Variants in TEX29 observed in about 807,000 individuals in gnomAD.
TEX29 encodes testis-expressed protein 29.
Under a neutral mutation model 18.2 loss-of-function variants are expected in TEX29, and 26 were observed. The ratio of observed to expected loss-of-function variants is 1.43; its 90% CI spans 1.04 to 1.98. The LOEUF (loss-of-function observed/expected upper bound fraction) is 1.98. Ranked by LOEUF, TEX29 falls within the 30% of genes most tolerant of loss-of-function variation. The pLI, the probability that TEX29 is intolerant of heterozygous loss-of-function variation, is 0.00. For synonymous variants in TEX29, 83 were observed against 78.5 expected (o/e 1.06, Z -0.31); for missense variants, 177 against 194.2 (o/e 0.91, Z 0.53).
At chr13:111,329,798 A>G (rs965858042) in intron 3 of TEX29, among the ~76,000 whole-genome samples, 15 of 152,142 alleles carry the variant, frequency 9.9e-5, no homozygotes, top group Non-Finnish European at 7.4e-5. Context: ...TGGCTGTCGC[A>G]AGCCACAGCC....
chr13:111,344,222 A>G lies in TEX29; in HGVS notation c.*99A>G, dbSNP rs963472338. 1.4e-5 allele frequency: 14 copies of G among 993,520 alleles called. No homozygotes were observed. Among genetic ancestry groups the G allele is most frequent in the African/African-American group, 3.3e-5 (2 of 60,494 alleles). The allele number at this position is 993,520 out of a possible 1,614,324, so 61.5% of individuals were successfully genotyped here. On this transcript the variant is annotated 3_prime_UTR_variant, in exon 6 of 6. Coordinates refer to ENST00000283547, the MANE Select transcript of TEX29 (RefSeq NM_152324.3). ...TGTGATGGAATGACCACCCAAAGAGAAAAAAATAAAGGTATTTTGAAAATT... is the reference window on the plus strand; with the variant it reads ...TGTGATGGAATGACCACCCAAAGAGGAAAAAATAAAGGTATTTTGAAAATT...
At chr13:111,328,363 G>T in intron 3 of TEX29, 70 bp downstream of exon 3, 1 of 1,041,904 alleles carries the variant, frequency 9.6e-7, no homozygotes, top group South Asian at 1.3e-5. Flanking sequence ...CCACTGCCCT[G>T]CCTGTCTCCC....
At position 111,320,740 on chromosome 13, in the gene TEX29, C is replaced by T; in HGVS notation, c.-57C>T. The T allele has an allele frequency of 1.1e-6, 1 of 887,300 alleles. No homozygotes were observed. The highest frequency in any genetic ancestry group is 1.9e-6 in the Non-Finnish European group (1 of 536,526). The allele number at this position is 887,300 out of a possible 1,614,324, so 55.0% of individuals were successfully genotyped here. A position where few individuals can be genotyped will look rare whatever the true frequency, so the allele number is the denominator to read the frequency against. On this transcript the variant is annotated 5_prime_UTR_variant, in exon 1 of 6. Coordinates refer to ENST00000283547, the MANE Select transcript of TEX29 (RefSeq NM_152324.3). ...TGAGAGGCACAGGTGGCTGAGGGGACCCGCCTGGGATGTGAGGCGCAGGTG... is the reference window on the plus strand; with the variant it reads ...TGAGAGGCACAGGTGGCTGAGGGGATCCGCCTGGGATGTGAGGCGCAGGTG...
intron 3 of TEX29, among the ~76,000 whole-genome samples, chr13:111,338,022 C>T (rs9522186): frequency 0.3 from 46,081 of 152,048 alleles, 8,068 homozygotes; most frequent in East Asian, 0.77. Flanking sequence ...ATCCTGGGCA[C>T]CTCATCCATT....
chr13:111,336,351 C>T (rs1402451317), intron 3 of TEX29, among the ~76,000 whole-genome samples: 1 of 152,250 alleles, frequency 6.6e-6, no homozygotes, highest in Non-Finnish European at 1.5e-5. Context: ...AACCTTTGTG[C>T]TGTGCAAGTT....
At position 111,342,792 on chromosome 13, in the gene TEX29, T is replaced by C. The variant is rs1326039624; in HGVS notation, c.276T>C (p.Pro92=). 3.7e-6 allele frequency: 6 copies of C among 1,614,088 alleles called. No homozygotes were observed. The highest frequency in any genetic ancestry group is 5.1e-6 in the Non-Finnish European group (6 of 1,180,022). The change falls in exon 5 of 6, where the codon CCT becomes CCC. Residue 92 remains proline (P), a synonymous_variant. Coordinates refer to ENST00000283547, the MANE Select transcript of TEX29 (RefSeq NM_152324.3). ...IQESRKEKAI[P]VDVALPQKSS... ...AGAGCAGGAAAGAAAAGGCCATCCCTGTGGATGTCGCGCTGCCACAGAAGT... is the reference window on the plus strand; with the variant it reads ...AGAGCAGGAAAGAAAAGGCCATCCCCGTGGATGTCGCGCTGCCACAGAAGT...
chr13:111,333,809 A>G (rs4771744), intron 3 of TEX29, among the ~76,000 whole-genome samples: 53,966 of 152,026 alleles, frequency 0.35, 10,679 homozygotes, highest in East Asian at 0.87. Flanking sequence ...CTTTTAAACC[A>G]TCGGATCTTG....
At chr13:111,342,576 A>AAAAAG (rs1555412713) in intron 4 of TEX29, among the ~76,000 whole-genome samples, 180 bp from the exon 5 acceptor site, 17 of 149,896 alleles carry the variant, frequency 1.1e-4, no homozygotes, top group African/African-American at 4.2e-4. Flanking sequence ...AAAAAAAAAA[A>AAAAAG]AGAGAGAGAG....
rs868127439 is a variant in TEX29, at chr13:111,328,669, C to T, written c.169+376C>T. 5.3e-5 allele frequency among the ~76,000 whole-genome samples: 8 copies of T among 152,268 alleles called. 1 individual carries two copies. The Middle Eastern group carries it at 0.01, about 194-fold the overall frequency. ...CGCCGGCAGGGCCCGGGCCAGTGGC[C>T]GGGTGTGGGGTGAGCCCATCAGGGT... On this transcript the variant is annotated intron_variant, in intron 3 of 5. Coordinates refer to ENST00000283547, the MANE Select transcript of TEX29 (RefSeq NM_152324.3).
intron 3 of TEX29, among the ~76,000 whole-genome samples, chr13:111,330,456 G>A (rs565060715): frequency 1.3e-5 from 2 of 152,350 alleles, no homozygotes; most frequent in East Asian, 3.9e-4. Context: ...TGGCTTTAGA[G>A]ACTCGGGACC....
upstream of TEX29, among the ~76,000 whole-genome samples, chr13:111,317,563 C>T (rs1029473280): frequency 1.3e-5 from 2 of 152,206 alleles, no homozygotes; most frequent in Admixed American, 1.3e-4. Context: ...AATGGGAATA[C>T]TGGACAGGTG....
At position 111,344,195 on chromosome 13, in the gene TEX29, AGT is replaced by A. The variant is rs1555298236; in HGVS notation, c.*76_*77del. 26 of 1,303,892 alleles carry A rather than the reference AGT, an allele frequency of 2.0e-5. No individual in the cohort carries two copies. Among genetic ancestry groups the A allele is most frequent in the Non-Finnish European group, 2.7e-5 (25 of 915,034 alleles). The allele number at this position is 1,303,892 out of a possible 1,614,324, so 80.8% of individuals were successfully genotyped here. ...ATGGTACAGCAGGTGCACTGTTAAC[AGT>A]GTGATGGAATGACCACCCAAAGAGA... On this transcript the variant is annotated 3_prime_UTR_variant, in exon 6 of 6. Coordinates refer to ENST00000283547, the MANE Select transcript of TEX29 (RefSeq NM_152324.3).
At chr13:111,331,177 G>A (rs571204095) in intron 3 of TEX29, among the ~76,000 whole-genome samples, 13 of 152,264 alleles carry the variant, frequency 8.5e-5, no homozygotes, top group African/African-American at 2.2e-4. Flanking sequence ...CAGCGTATGC[G>A]AGTTCCAATT....
Position 111,344,162 on chromosome 13 carries a change from C to T in TEX29, c.*39C>T. The stretch of plus-strand genomic sequence containing the variant: ...AGAAGTGGAGATTGTCAGAATTATC[C>T]AAATGAAATGGTACAGCAGGTGCAC... On this transcript the variant is annotated 3_prime_UTR_variant, in exon 6 of 6. Coordinates refer to ENST00000283547, the MANE Select transcript of TEX29 (RefSeq NM_152324.3). The T allele has an allele frequency of 6.4e-7, 1 of 1,567,826 alleles. No individual in the cohort carries two copies.
intron 2 of TEX29, among the ~76,000 whole-genome samples, chr13:111,321,881 G>GCACA (rs1567157599): frequency 2.0e-5 from 3 of 152,222 alleles, no homozygotes; most frequent in Non-Finnish European, 4.4e-5. Flanking sequence ...CTGAGATTGT[G>GCACA]CCACTCCACT....
At chr13:111,321,509 C>T (rs888198561) in intron 2 of TEX29, among the ~76,000 whole-genome samples, 2 of 152,216 alleles carry the variant, frequency 1.3e-5, no homozygotes, top group Admixed American at 1.3e-4. Context: ...TTGCACCTCC[C>T]CCGGGAGGCA....
chr13:111,316,406 G>A (rs997706863), upstream of TEX29: 54 of 407,790 alleles, frequency 1.3e-4, no homozygotes, highest in Non-Finnish European at 8.0e-5. Flanking sequence ...TGTCCCATGC[G>A]CAGCTCCTCA....
At chr13:111,343,837 G>A (rs1447530809) in intron 5 of TEX29, among the ~76,000 whole-genome samples, 1 of 152,154 alleles carries the variant, frequency 6.6e-6, no homozygotes, top group African/African-American at 2.4e-5. Context: ...CTTTCCTGCA[G>A]GACAGATGTT....
chr13:111,320,444 G>C (rs2093661913), upstream of TEX29, among the ~76,000 whole-genome samples: 4 of 152,196 alleles, frequency 2.6e-5, no homozygotes, highest in South Asian at 8.3e-4. Flanking sequence ...TCAGCCCATG[G>C]TGTCCCCAGC....
Sources: allele counts gnomAD v4.1 joint callset (sites outside exome capture counted in the v4.1 genomes callset), GRCh38; gene constraint gnomAD v4.1.1; transcripts MANE v1.5; gene names NCBI Gene and HGNC (gene_info 2026-07-23, HGNC 2026-07-21).